STX8: variants seen among roughly 807,000 people sequenced by gnomAD.
STX8 encodes syntaxin 8.
Under a neutral mutation model 37.5 loss-of-function variants are expected in STX8, and 23 were observed. The observed-to-expected ratio is 0.61, with a 90% CI of 0.44 to 0.87. The LOEUF is 0.87. Ranked by LOEUF, STX8 falls within the 40% of genes least tolerant of loss-of-function variation. The probability of loss-of-function intolerance (pLI) is 0.00; values close to 1 mark genes in which losing one functional copy is unlikely to be tolerated. For synonymous variants in STX8, 115 were observed against 99.1 expected (o/e 1.16, Z -0.95); for missense variants, 313 against 284.7 (o/e 1.10, Z -0.71).
chr17:9,399,008 C>T (rs915510329), intron 6 of STX8, among the ~76,000 whole-genome samples: 5 of 150,386 alleles, frequency 3.3e-5, no homozygotes, highest in Non-Finnish European at 7.4e-5. Flanking sequence ...AAGATGGTAC[C>T]CCTGCACTCC....
At chr17:9,410,410 T>G (rs1408447337) in intron 6 of STX8, among the ~76,000 whole-genome samples, 1 of 152,206 alleles carries the variant, frequency 6.6e-6, no homozygotes, top group African/African-American at 2.4e-5. Context: ...TTAAGTCAAA[T>G]AAGTGTTTTT....
At chr17:9,552,398 ATCT>A (rs1269743203) in intron 3 of STX8, among the ~76,000 whole-genome samples, 5 of 152,166 alleles carry the variant, frequency 3.3e-5, no homozygotes, top group Non-Finnish European at 7.3e-5. Context: ...CACAAACACT[ATCT>A]TCTTCTTATT....
rs376774044 is a variant in STX8 at position 9,318,997 on chromosome 17, A to G, written c.643+59555T>C. Reference sequence around the variant, plus strand: ...AAGGGAGCTCTCCAGGAAAATCAATAAAGAGTAAATGACAAACTAGCAAAC... The same window carrying G: ...AAGGGAGCTCTCCAGGAAAATCAATGAAGAGTAAATGACAAACTAGCAAAC... On this transcript the variant is annotated intron_variant, in intron 7 of 7. Transcript: ENST00000306357. Among the ~76,000 whole-genome samples, 34 of 152,324 alleles carry G rather than the reference A, an allele frequency of 2.2e-4. No individual in the cohort carries two copies. The East Asian group carries it at 4.8e-3, about 22-fold the overall frequency.
Position 9,274,682 on chromosome 17 carries a change from AATAATAATAAT to A in STX8, c.644-24048_644-24038del, listed in dbSNP as rs1907599421. Among the ~76,000 whole-genome samples the A allele has an allele frequency of 3.4e-5, 4 of 118,442 alleles. 1 individual carries two copies. The highest frequency in any genetic ancestry group is 1.2e-4 in the African/African-American group (4 of 32,558). 77.7% of individuals were successfully genotyped at this position (118,442 alleles called of 152,430 possible). ...CAGTGTGAGACTCTGTCTCAAAAAT[AATAATAATAAT>A]AATAATAATAATAATAATAATAAAC... On this transcript the variant is annotated intron_variant, in intron 7 of 7. Coordinates refer to ENST00000306357, the MANE Select transcript of STX8 (RefSeq NM_004853.3).
intron 4 of STX8, among the ~76,000 whole-genome samples, chr17:9,532,447 C>T (rs1298309274): frequency 1.3e-5 from 2 of 151,864 alleles, no homozygotes; most frequent in South Asian, 2.1e-4. Context: ...GATATGGGCC[C>T]GTGCATGTAT....
chr17:9,251,650 C>A (rs1384400275), intron 7 of STX8, among the ~76,000 whole-genome samples: 1 of 152,194 alleles, frequency 6.6e-6, no homozygotes, highest in Non-Finnish European at 1.5e-5. Flanking sequence ...CTGAACGCCA[C>A]GGTAGTCTGT....
chr17:9,543,709 G>A (rs1355514631), intron 4 of STX8, among the ~76,000 whole-genome samples: 5 of 152,160 alleles, frequency 3.3e-5, no homozygotes, highest in Non-Finnish European at 5.9e-5. Flanking sequence ...CCCTGGGACT[G>A]AATATGCCAG....
At chr17:9,318,308 T>C (rs1195261738) in intron 7 of STX8, among the ~76,000 whole-genome samples, 4 of 150,662 alleles carry the variant, frequency 2.7e-5, no homozygotes, top group Non-Finnish European at 4.4e-5. Flanking sequence ...TGTGTGATGT[T>C]CCCCACCCAG....
intron 6 of STX8, among the ~76,000 whole-genome samples, chr17:9,401,816 T>C (rs996764681): frequency 3.3e-5 from 5 of 152,186 alleles, no homozygotes; most frequent in African/African-American, 9.7e-5. Flanking sequence ...CATGTACTCT[T>C]GTTTTAAAAA....
chr17:9,420,066 T>C (rs1453444896), intron 6 of STX8, among the ~76,000 whole-genome samples: 1 of 152,222 alleles, frequency 6.6e-6, no homozygotes, highest in Non-Finnish European at 1.5e-5. Flanking sequence ...TTTAGATGAA[T>C]TAGTCACACA....
chr17:9,289,684 G>A (rs1036970354), intron 7 of STX8, among the ~76,000 whole-genome samples: 3 of 151,888 alleles, frequency 2.0e-5, no homozygotes, highest in East Asian at 1.9e-4. Flanking sequence ...GGAGGCTGAG[G>A]CAGGAGAATG....
At chr17:9,487,885 C>G (rs1906674556) in intron 6 of STX8, among the ~76,000 whole-genome samples, 1 of 152,182 alleles carries the variant, frequency 6.6e-6, no homozygotes, top group Non-Finnish European at 1.5e-5. Flanking sequence ...AGAACCAATA[C>G]AAAGTACAGC....
In STX8 at chr17:9,513,075, A is replaced by G. The variant is rs774740279; in HGVS notation, c.324-7913T>C. Among the ~76,000 whole-genome samples, 9 of 152,210 alleles carry G rather than the reference A, an allele frequency of 5.9e-5. 1 individual carries two copies. Among genetic ancestry groups the G allele is most frequent in the Admixed American group, 2.6e-4 (4 of 15,278 alleles). ...CTTCTGCACAGCAAAGGAAACAGTC[A>G]ATAGAGTGAAAAGACAATCTATAGG... On this transcript the variant is annotated intron_variant, in intron 4 of 7. Transcript: ENST00000306357.
At chr17:9,367,040 G>C (rs1911250176) in intron 7 of STX8, among the ~76,000 whole-genome samples, 1 of 152,082 alleles carries the variant, frequency 6.6e-6, no homozygotes, top group African/African-American at 2.4e-5. Context: ...GTGGGGGATG[G>C]TTTCTGATAC....
chr17:9,414,357 G>C (rs976273150), intron 6 of STX8, among the ~76,000 whole-genome samples: 14 of 151,450 alleles, frequency 9.2e-5, no homozygotes, highest in Admixed American at 6.6e-5. Flanking sequence ...ACAGACAAAA[G>C]CTTTTGCAAA....
chr17:9,400,784 T>A (rs1218285769), intron 6 of STX8, among the ~76,000 whole-genome samples: 1 of 152,222 alleles, frequency 6.6e-6, no homozygotes, highest in East Asian at 1.9e-4. Context: ...AGTGGTTACT[T>A]TTGCTCTGTT....
rs371791668 is a variant in STX8 at position 9,274,811 on chromosome 17, C to T, written c.644-24166G>A. ...CTGTCACCAGGCTGGAGTGCAGTGG[C>T]GTGATCTCAGCTCACTGCAACCTCC... On this transcript the variant is annotated intron_variant, in intron 7 of 7. Coordinates refer to ENST00000306357, the MANE Select transcript of STX8 (RefSeq NM_004853.3). 1.2e-4 allele frequency among the ~76,000 whole-genome samples: 14 copies of T among 118,660 alleles called. No individual in the cohort carries two copies. In the East Asian group the frequency reaches 1.7e-3, roughly 14 times the overall value. The allele number at this position is 118,660 out of a possible 152,430, so 77.8% of individuals were successfully genotyped here. A position where few individuals can be genotyped will look rare whatever the true frequency, so the allele number is the denominator to read the frequency against.
intron 7 of STX8, among the ~76,000 whole-genome samples, chr17:9,356,959 A>ATTTTTTTTT (rs1468764432): frequency 3.9e-5 from 3 of 77,464 alleles, no homozygotes; most frequent in Non-Finnish European, 8.0e-5. Context: ...TCCTTTTAAC[A>ATTTTTTTTT]GTTTTTTTTT....
chr17:9,356,955 T>G lies in STX8; in HGVS notation c.643+21597A>C, dbSNP rs1473647676. 3.5e-5 allele frequency among the ~76,000 whole-genome samples: 5 copies of G among 144,820 alleles called. No individual in the cohort carries two copies. In the East Asian group the frequency reaches 1.0e-3, roughly 30 times the overall value. On this transcript the variant is annotated intron_variant, in intron 7 of 7. Transcript: ENST00000306357. ...CCCCTTTTCATTCTCTCCATCCTTTTAACAGTTTTTTTTTTTTTTTTTTTT... is the reference window on the plus strand; with the variant it reads ...CCCCTTTTCATTCTCTCCATCCTTTGAACAGTTTTTTTTTTTTTTTTTTTT...
Sources: gnomAD v4.1 joint callset for allele counts (sites outside exome capture counted in the v4.1 genomes callset) on GRCh38, gnomAD v4.1.1 for gene constraint, MANE v1.5 for transcripts, NCBI Gene and HGNC (gene_info 2026-07-23, HGNC 2026-07-21) for gene names.